The following MAGI1 variants were observed in gnomAD, a reference collection of about 807,000 sequenced individuals.
MAGI1 encodes the protein membrane associated guanylate kinase, WW and PDZ domain containing 1.
MAGI1 carries 58 observed loss-of-function variants against 139.9 expected under a neutral mutation model. The observed-to-expected ratio is 0.41, with a 90% CI of 0.34 to 0.52. MAGI1 has a LOEUF of 0.52. Among genes scored for constraint, MAGI1 ranks in the 20% least tolerant of loss-of-function variants. The pLI is 0.12. For missense variants in MAGI1, 1,874 were observed against 1,901.6 expected (o/e 0.99, Z 0.27); for synonymous variants, 812 against 737.9 (o/e 1.10, Z -1.63).
chr3:65,950,917 C>T (rs1207902291), intron 1 of MAGI1, among the ~76,000 whole-genome samples: 2 of 144,658 alleles, frequency 1.4e-5, no homozygotes, highest in African/African-American at 2.6e-5. Flanking sequence ...TTGGACCGCA[C>T]ATAAAATACA....
intron 1 of MAGI1, among the ~76,000 whole-genome samples, chr3:65,973,196 C>T (rs1002231253): frequency 6.6e-6 from 1 of 151,950 alleles, no homozygotes; most frequent in Admixed American, 6.6e-5. Context: ...AAATAAAAGG[C>T]AATTTGTTCT....
intron 2 of MAGI1, among the ~76,000 whole-genome samples, chr3:65,575,515 A>G (rs911998201): frequency 6.6e-6 from 1 of 152,140 alleles, no homozygotes; most frequent in Non-Finnish European, 1.5e-5. Context: ...AATTCCACCC[A>G]CAGATATTTA....
At chr3:65,489,385 T>C (rs1370003545) in intron 3 of MAGI1, among the ~76,000 whole-genome samples, 1 of 152,182 alleles carries the variant, frequency 6.6e-6, no homozygotes, top group African/African-American at 2.4e-5. Flanking sequence ...AAACTATATA[T>C]GCATTAAAAG....
intron 1 of MAGI1, among the ~76,000 whole-genome samples, chr3:66,033,433 C>T (rs1325842276): frequency 6.6e-6 from 1 of 152,172 alleles, no homozygotes; most frequent in African/African-American, 2.4e-5. Flanking sequence ...GGTCTACCCA[C>T]TACTAGCACT....
At chr3:65,431,087 T>C (rs1033754977) in intron 10 of MAGI1, among the ~76,000 whole-genome samples, 1 of 151,864 alleles carries the variant, frequency 6.6e-6, no homozygotes, top group Non-Finnish European at 1.5e-5. Flanking sequence ...AAGCATTGAG[T>C]ATGTCAACTC....
chr3:65,766,198 T>G (rs1559861431), intron 1 of MAGI1, among the ~76,000 whole-genome samples: 1 of 152,160 alleles, frequency 6.6e-6, no homozygotes, highest in Non-Finnish European at 1.5e-5. Flanking sequence ...AAAACTTCAT[T>G]TGGGTAAAGT....
At chr3:65,459,374 T>C (rs1187024566) in intron 5 of MAGI1, among the ~76,000 whole-genome samples, 2 of 152,216 alleles carry the variant, frequency 1.3e-5, no homozygotes, top group Admixed American at 6.5e-5. Context: ...GCATTGAATG[T>C]GTAGACTTCT....
At chr3:65,894,319 C>A (rs552566422) in intron 1 of MAGI1, among the ~76,000 whole-genome samples, 1 of 152,292 alleles carries the variant, frequency 6.6e-6, no homozygotes, top group African/African-American at 2.4e-5. Context: ...AACACAGGCC[C>A]TTGTGACTCC....
At chr3:65,820,975 G>A (rs1455604313) in intron 1 of MAGI1, among the ~76,000 whole-genome samples, 3 of 152,068 alleles carry the variant, frequency 2.0e-5, no homozygotes, top group East Asian at 3.9e-4. Flanking sequence ...TAGGCAAAAC[G>A]ATGTTATTCT....
intron 1 of MAGI1, among the ~76,000 whole-genome samples, chr3:65,842,650 T>C (rs2058848330): frequency 6.6e-6 from 1 of 152,194 alleles, no homozygotes; most frequent in East Asian, 1.9e-4. Context: ...CATGAGCCAC[T>C]GCGCCCAGCC....
chr3:65,810,001 C>A (rs1235103656), intron 1 of MAGI1, among the ~76,000 whole-genome samples: 1 of 151,424 alleles, frequency 6.6e-6, no homozygotes, highest in Non-Finnish European at 1.5e-5. Context: ...CCCTCTCTCT[C>A]ACACACACAC....
intron 1 of MAGI1, among the ~76,000 whole-genome samples, chr3:65,908,927 G>C (rs1202125370): frequency 6.6e-6 from 1 of 152,182 alleles, no homozygotes; most frequent in Non-Finnish European, 1.5e-5. Context: ...ATGCTGACAT[G>C]AGTCAATTTT....
At chr3:65,645,225 A>T (rs1164481102) in intron 1 of MAGI1, among the ~76,000 whole-genome samples, 4 of 152,112 alleles carry the variant, frequency 2.6e-5, no homozygotes, top group Non-Finnish European at 5.9e-5. Context: ...CAAACCCAAA[A>T]TAGAATGTTT....
At chr3:65,458,503 A>G (rs567380705) in intron 5 of MAGI1, among the ~76,000 whole-genome samples, 3 of 151,982 alleles carry the variant, frequency 2.0e-5, no homozygotes, top group Admixed American at 2.0e-4. Context: ...GATAAAACCC[A>G]TTTTAACTGG....
intron 2 of MAGI1, among the ~76,000 whole-genome samples, chr3:65,516,742 T>TTTTC (rs2077905079): frequency 9.0e-6 from 1 of 110,870 alleles, no homozygotes; most frequent in East Asian, 2.3e-4. Context: ...TTTTTTTTTT[T>TTTTC]TTTGAGACGG....
intron 2 of MAGI1, among the ~76,000 whole-genome samples, chr3:65,584,875 G>A (rs2081603241): frequency 6.6e-6 from 1 of 152,096 alleles, no homozygotes; most frequent in Admixed American, 6.5e-5. Context: ...ACCAGGTACT[G>A]TGCTAGACAC....
intron 12 of MAGI1, among the ~76,000 whole-genome samples, chr3:65,429,055 T>C (rs1029761413): frequency 6.6e-6 from 1 of 152,122 alleles, no homozygotes; most frequent in Non-Finnish European, 1.5e-5. Context: ...GGAGTGACCA[T>C]AGCCACATTT....
At chr3:65,469,556 T>G (rs1176779819) in intron 5 of MAGI1, among the ~76,000 whole-genome samples, 1 of 152,040 alleles carries the variant, frequency 6.6e-6, no homozygotes, top group Non-Finnish European at 1.5e-5. Flanking sequence ...GTCTCTCTGT[T>G]CTCAAACCTA....
intron 1 of MAGI1, among the ~76,000 whole-genome samples, chr3:65,969,183 T>A (rs898045699): frequency 6.6e-6 from 1 of 152,214 alleles, no homozygotes; most frequent in African/African-American, 2.4e-5. Flanking sequence ...AGTCTCTCCA[T>A]CTTCATGACT....
Sources: gnomAD v4.1 joint callset for allele counts (sites outside exome capture counted in the v4.1 genomes callset) on GRCh38, gnomAD v4.1.1 for gene constraint, MANE v1.5 for transcripts, NCBI Gene and HGNC (gene_info 2026-07-23, HGNC 2026-07-21) for gene names.